EPHB2: variants seen among roughly 807,000 people sequenced by gnomAD.
EPHB2 encodes the protein EPH receptor B2.
EPHB2 carries 18 observed loss-of-function variants against 96.4 expected under a neutral mutation model. That is an observed-to-expected ratio of 0.19 (90% CI 0.13 to 0.28). The LOEUF (loss-of-function observed/expected upper bound fraction) is 0.28, where lower values mean the gene tolerates loss of function less well. Among genes scored for constraint, EPHB2 ranks in the 10% least tolerant of loss-of-function variants. The pLI, the probability that EPHB2 is intolerant of heterozygous loss-of-function variation, is 1.00. For missense variants in EPHB2, 989 were observed against 1,355.4 expected (o/e 0.73, Z 4.25); for synonymous variants, 506 against 534.1 (o/e 0.95, Z 0.72).
intron 1 of EPHB2, among the ~76,000 whole-genome samples, chr1:22,737,014 C>G (rs1276887075): frequency 6.6e-6 from 1 of 152,176 alleles, no homozygotes; most frequent in African/African-American, 2.4e-5. Flanking sequence ...GTCTGCGAAT[C>G]CAGCCATCGG....
chr1:22,899,520 T>A (rs1639683386), intron 9 of EPHB2, among the ~76,000 whole-genome samples: 1 of 151,768 alleles, frequency 6.6e-6, no homozygotes, highest in African/African-American at 2.4e-5. Flanking sequence ...AGAAAAATAG[T>A]TTGGGGCATA....
intron 3 of EPHB2, among the ~76,000 whole-genome samples, chr1:22,794,909 A>G (rs1644745539): frequency 1.3e-5 from 2 of 152,244 alleles, no homozygotes; most frequent in Non-Finnish European, 2.9e-5. Flanking sequence ...GAATCTGGCA[A>G]GAGAGGCCCG....
chr1:22,849,277 T>C (rs1645588911), intron 3 of EPHB2, among the ~76,000 whole-genome samples: 1 of 152,096 alleles, frequency 6.6e-6, no homozygotes, highest in African/African-American at 2.4e-5. Context: ...CTGCCCACAG[T>C]CCCTAAAGTG....
chr1:22,832,184 T>C (rs1645314287), intron 3 of EPHB2, among the ~76,000 whole-genome samples: 1 of 152,050 alleles, frequency 6.6e-6, no homozygotes, highest in South Asian at 2.1e-4. Context: ...GTGCACGTCA[T>C]CAGAACAATG....
chr1:22,845,419 A>G (rs1329035788), intron 3 of EPHB2, among the ~76,000 whole-genome samples: 1 of 152,168 alleles, frequency 6.6e-6, no homozygotes, highest in Admixed American at 6.5e-5. Context: ...ATGAGGTCAG[A>G]GAAAATAAGC....
At chr1:22,812,243 G>T (rs1474843832) in intron 3 of EPHB2, among the ~76,000 whole-genome samples, 2 of 152,214 alleles carry the variant, frequency 1.3e-5, no homozygotes, top group Non-Finnish European at 2.9e-5. Flanking sequence ...GGAGGGAAGG[G>T]GAGCTTCCAG....
At position 22,914,058 on chromosome 1, in the gene EPHB2, A is replaced by C; in HGVS notation, c.*488A>C. ...CTCCTCTAGGCCTCACTCAACAACC[A>C]AGCGCCTGGAGGACGGGACAGATGG... On this transcript the variant is annotated 3_prime_UTR_variant, in exon 16 of 16. Transcript: ENST00000374630. 1 of 717,454 alleles carries C rather than the reference A, an allele frequency of 1.4e-6. No individual in the cohort carries two copies. Among genetic ancestry groups the C allele is most frequent in the Non-Finnish European group, 2.2e-6 (1 of 456,760 alleles). 44.4% of individuals were successfully genotyped at this position (717,454 alleles called of 1,614,324 possible).
intron 9 of EPHB2, among the ~76,000 whole-genome samples, chr1:22,900,333 CCT>C (rs1323294300): frequency 1.3e-5 from 2 of 152,068 alleles, no homozygotes; most frequent in African/African-American, 4.8e-5. Context: ...TATGTCATCC[CCT>C]CTTATTGCCC....
At chr1:22,887,494 C>A (rs1342979355) in intron 6 of EPHB2, among the ~76,000 whole-genome samples, 1 of 152,210 alleles carries the variant, frequency 6.6e-6, no homozygotes, top group Non-Finnish European at 1.5e-5. Context: ...AAAGGGCTCT[C>A]TAGGAGCGGG....
chr1:22,811,962 C>T (rs1570322248), intron 3 of EPHB2, among the ~76,000 whole-genome samples: 1 of 152,302 alleles, frequency 6.6e-6, no homozygotes, highest in Middle Eastern at 3.4e-3. Flanking sequence ...TCACTTGAGC[C>T]TAAGAGGTCG....
At chr1:22,811,170 C>T (rs1378229624) in intron 3 of EPHB2, among the ~76,000 whole-genome samples, 1 of 152,108 alleles carries the variant, frequency 6.6e-6, no homozygotes, top group African/African-American at 2.4e-5. Flanking sequence ...ATCTCCGAGG[C>T]CCCCAATCCC....
intron 3 of EPHB2, among the ~76,000 whole-genome samples, chr1:22,842,313 C>T (rs1352936411): frequency 6.6e-6 from 1 of 152,132 alleles, no homozygotes; most frequent in Non-Finnish European, 1.5e-5. Context: ...TACGTTTATT[C>T]CTTTGCAGAA....
intron 3 of EPHB2, among the ~76,000 whole-genome samples, chr1:22,824,262 GGGAA>G (rs1645192825): frequency 1.3e-5 from 2 of 151,600 alleles, no homozygotes; most frequent in Admixed American, 6.6e-5. Context: ...TGATGGATGG[GGGAA>G]GGAAGGGAGG....
intron 3 of EPHB2, among the ~76,000 whole-genome samples, chr1:22,798,350 T>A (rs1261842634): frequency 2.0e-5 from 3 of 152,192 alleles, no homozygotes; most frequent in Non-Finnish European, 2.9e-5. Flanking sequence ...CTGGGATAGA[T>A]GTTTCTAAGC....
chr1:22,890,286 A>C (rs964343205), intron 6 of EPHB2, among the ~76,000 whole-genome samples: 2 of 152,248 alleles, frequency 1.3e-5, no homozygotes, highest in East Asian at 3.9e-4. Context: ...TGGGACTGAG[A>C]AGGAAGAGGT....
At chr1:22,897,673 G>A (rs1639610753) in intron 9 of EPHB2, among the ~76,000 whole-genome samples, 1 of 152,136 alleles carries the variant, frequency 6.6e-6, no homozygotes, top group Non-Finnish European at 1.5e-5. Flanking sequence ...TGTAATCCCA[G>A]CTACTCAGGA....
In EPHB2 at chr1:22,913,250, C is replaced by T. The variant is rs1640166825; in HGVS notation, c.2853-212C>T. ...CTCCCAATAGCAGGGGAGAGAAGGC[C>T]CCCTAGGGACCCTGATTCCGACTCA... On this transcript the variant is annotated intron_variant, in intron 15 of 15. Coordinates refer to ENST00000374630, the MANE Select transcript of EPHB2 (RefSeq NM_017449.5). This position sits in a 1 kb window ranked among gnomAD's most constrained non-coding sequence, Gnocchi z 4.1. 8 of 625,924 alleles carry T rather than the reference C, an allele frequency of 1.3e-5. No homozygotes were observed. The Admixed American group carries it at 1.8e-4, about 14-fold the overall frequency. The allele number at this position is 625,924 out of a possible 1,614,324, so 38.8% of individuals were successfully genotyped here.
Position 22,906,387 on chromosome 1 carries a change from T to C in EPHB2, c.1888+278T>C, listed in dbSNP as rs1353447216. Reference sequence around the variant, plus strand: ...GGGTCTGGAGCCCAGTTCTCTGGACTCTTGGTCCAGTGCTTTTCCTTCCTC... The same window carrying C: ...GGGTCTGGAGCCCAGTTCTCTGGACCCTTGGTCCAGTGCTTTTCCTTCCTC... On this transcript the variant is annotated intron_variant, in intron 10 of 15. Transcript: ENST00000374630. The surrounding 1 kb of genome is among the most constrained non-coding windows in gnomAD (Gnocchi z 4.8). 6.6e-6 allele frequency among the ~76,000 whole-genome samples: 1 copy of C among 152,146 alleles called. No individual in the cohort carries two copies.
At chr1:22,824,299 AGAAAGAAAGAAG>A (rs1193840195) in intron 3 of EPHB2, among the ~76,000 whole-genome samples, 7 of 151,314 alleles carry the variant, frequency 4.6e-5, no homozygotes, top group Non-Finnish European at 1.0e-4. Flanking sequence ...AAGGAAGGAA[AGAAAGAAAGAAG>A]GAAAGAAAGA....
Sources: gnomAD v4.1 joint callset for allele counts (sites outside exome capture counted in the v4.1 genomes callset) on GRCh38, gnomAD v4.1.1 for gene constraint, Gnocchi (gnomAD v3.1) non-coding constraint, MANE v1.5 for transcripts, NCBI Gene and HGNC (gene_info 2026-07-23, HGNC 2026-07-21) for gene names.